Variants in HTR1F observed in about 807,000 individuals in gnomAD.
HTR1F encodes 5-hydroxytryptamine (serotonin) receptor 1F, G protein-coupled.
A neutral mutation model predicts 24.0 loss-of-function variants in HTR1F; 17 were observed. The ratio of observed to expected loss-of-function variants is 0.71; its 90% CI spans 0.48 to 1.06. HTR1F has a LOEUF of 1.06. Ranked by LOEUF, HTR1F falls within the 50% of genes least tolerant of loss-of-function variation. The pLI, the probability that HTR1F is intolerant of heterozygous loss-of-function variation, is 0.00. For missense variants in HTR1F, 391 were observed against 427.8 expected (o/e 0.91, Z 0.76); for synonymous variants, 186 against 156.8 (o/e 1.19, Z -1.39).
At chr3:87,860,105 T>C (rs1036504868) in intron 2 of HTR1F, among the ~76,000 whole-genome samples, 4 of 152,204 alleles carry the variant, frequency 2.6e-5, no homozygotes, top group Admixed American at 6.5e-5. Context: ...ATACTCTGCA[T>C]AGATATAGAA....
intron 2 of HTR1F, among the ~76,000 whole-genome samples, chr3:87,966,150 C>A (rs910509011): frequency 1.1e-4 from 17 of 152,240 alleles, no homozygotes; most frequent in African/African-American, 3.9e-4. Context: ...TCCTCATAGA[C>A]AGCCGTCTTC....
intron 1 of HTR1F, among the ~76,000 whole-genome samples, chr3:87,815,527 C>T (rs1464659423): frequency 6.6e-6 from 1 of 151,686 alleles, no homozygotes; most frequent in African/African-American, 2.4e-5. Context: ...TATTTAATTC[C>T]CAAATGATAT....
At chr3:87,938,923 C>A (rs1704493492) in intron 2 of HTR1F, among the ~76,000 whole-genome samples, 1 of 152,108 alleles carries the variant, frequency 6.6e-6, no homozygotes, top group South Asian at 2.1e-4. Flanking sequence ...ACAACGAAAG[C>A]AAAAATTGAC....
intron 2 of HTR1F, among the ~76,000 whole-genome samples, chr3:87,929,799 A>G (rs879999923): frequency 6.6e-6 from 1 of 152,160 alleles, no homozygotes; most frequent in Non-Finnish European, 1.5e-5. Flanking sequence ...TTTGGGCTCC[A>G]TATGAATTTT....
chr3:87,884,593 T>C (rs1705890760), intron 2 of HTR1F, among the ~76,000 whole-genome samples: 1 of 152,138 alleles, frequency 6.6e-6, no homozygotes, highest in Non-Finnish European at 1.5e-5. Context: ...CTGTGCTATA[T>C]TCAGGAGACC....
chr3:87,849,013 G>A (rs367552946), intron 2 of HTR1F, among the ~76,000 whole-genome samples: 20 of 151,604 alleles, frequency 1.3e-4, no homozygotes, highest in Non-Finnish European at 1.6e-4. Flanking sequence ...AATCAATACC[G>A]TGAAAATGGC....
At chr3:87,845,931 T>A (rs1704931016) in intron 2 of HTR1F, among the ~76,000 whole-genome samples, 1 of 151,928 alleles carries the variant, frequency 6.6e-6, no homozygotes, top group East Asian at 1.9e-4. Context: ...GGAGCATGGA[T>A]TTTAGTCATC....
At chr3:87,929,045 G>A (rs183313247) in intron 2 of HTR1F, among the ~76,000 whole-genome samples, 16 of 152,262 alleles carry the variant, frequency 1.1e-4, no homozygotes, top group Non-Finnish European at 1.6e-4. Flanking sequence ...CTGTCAGCTG[G>A]AGGTAAAAAA....
intron 2 of HTR1F, among the ~76,000 whole-genome samples, chr3:87,969,168 A>T (rs1705233131): frequency 6.6e-6 from 1 of 152,212 alleles, no homozygotes; most frequent in South Asian, 2.1e-4. Context: ...TGTGGAAGGG[A>T]ACGTGTGATT....
At position 87,887,607 on chromosome 3, in the gene HTR1F, A is replaced by G. The variant is rs536045008; in HGVS notation, c.-43+65483A>G. On this transcript the variant is annotated intron_variant, in intron 2 of 2. Transcript: ENST00000319595. The stretch of plus-strand genomic sequence containing the variant: ...AAAGGGCTAATATCCAGAATCTACA[A>G]AGAACTTAAACAAATTTACAAGAAG... Among the ~76,000 whole-genome samples, 45 of 152,340 alleles carry G rather than the reference A, an allele frequency of 3.0e-4. No individual in the cohort carries two copies. The South Asian group carries it at 9.1e-3, about 31-fold the overall frequency.
chr3:87,816,964 A>G (rs183146771), intron 1 of HTR1F, among the ~76,000 whole-genome samples: 2 of 152,254 alleles, frequency 1.3e-5, no homozygotes, highest in East Asian at 3.9e-4. Context: ...ATATTTTGGT[A>G]TCAAAATAAG....
At chr3:87,965,353 CTGTT>C (rs778845730) in intron 2 of HTR1F, among the ~76,000 whole-genome samples, 1 of 152,108 alleles carries the variant, frequency 6.6e-6, no homozygotes, top group African/African-American at 2.4e-5. Flanking sequence ...GTTTCAAAAT[CTGTT>C]TGATACACAT....
intron 2 of HTR1F, among the ~76,000 whole-genome samples, chr3:87,928,476 A>AT (rs1403425694): frequency 2.6e-5 from 4 of 152,132 alleles, no homozygotes; most frequent in African/African-American, 9.7e-5. Flanking sequence ...ACTATTTTAT[A>AT]TTTTTTATTT....
chr3:87,885,010 C>A (rs570421517), intron 2 of HTR1F, among the ~76,000 whole-genome samples: 14 of 152,182 alleles, frequency 9.2e-5, no homozygotes, highest in Non-Finnish European at 2.1e-4. Context: ...ATCTACAGAA[C>A]TCTCCTCCCC....
At chr3:87,817,988 C>CA (rs572062433) in intron 1 of HTR1F, among the ~76,000 whole-genome samples, 141 of 152,246 alleles carry the variant, frequency 9.3e-4, no homozygotes, top group African/African-American at 3.3e-3. Flanking sequence ...AAATGGCACT[C>CA]TACAATTTTA....
chr3:87,798,994 G>A (rs1335603349), intron 1 of HTR1F, among the ~76,000 whole-genome samples: 1 of 151,988 alleles, frequency 6.6e-6, no homozygotes, highest in Non-Finnish European at 1.5e-5. Flanking sequence ...ATCCTTTTGA[G>A]AGTCTCAAAA....
At chr3:87,794,278 T>C (rs749018334) in intron 1 of HTR1F, among the ~76,000 whole-genome samples, 1 of 152,198 alleles carries the variant, frequency 6.6e-6, no homozygotes, top group African/African-American at 2.4e-5. Context: ...CCCAAACTCA[T>C]AAACAGGTCC....
intron 2 of HTR1F, among the ~76,000 whole-genome samples, chr3:87,932,616 A>G (rs1023075935): frequency 6.6e-6 from 1 of 152,134 alleles, no homozygotes; most frequent in African/African-American, 2.4e-5. Flanking sequence ...ATGGCAAAAA[A>G]TTCCTCAACA....
intron 2 of HTR1F, among the ~76,000 whole-genome samples, chr3:87,896,971 A>T (rs1285132455): frequency 1.1e-4 from 16 of 152,172 alleles, no homozygotes; most frequent in Non-Finnish European, 4.4e-5. Context: ...AATGTAGCTT[A>T]TTGCAGCCCT....
Sources: gnomAD v4.1 joint callset for allele counts (sites outside exome capture counted in the v4.1 genomes callset) on GRCh38, gnomAD v4.1.1 for gene constraint, MANE v1.5 for transcripts, NCBI Gene and HGNC (gene_info 2026-07-23, HGNC 2026-07-21) for gene names.